Variants in RALGAPA2 observed in about 807,000 individuals in gnomAD.
RALGAPA2 encodes the protein Ral GTPase activating protein catalytic subunit alpha 2.
RALGAPA2 carries 139 observed loss-of-function variants against 230.4 expected under a neutral mutation model. The ratio of observed to expected loss-of-function variants is 0.60; its 90% CI spans 0.53 to 0.69. The LOEUF (loss-of-function observed/expected upper bound fraction) is 0.69, where lower values mean the gene tolerates loss of function less well. Among genes scored for constraint, RALGAPA2 ranks in the 30% least tolerant of loss-of-function variants. The pLI is 0.00. For synonymous variants in RALGAPA2, 847 were observed against 837.8 expected (o/e 1.01, Z -0.19); for missense variants, 2,163 against 2,276.0 (o/e 0.95, Z 1.01).
At chr20:20,607,129 G>A (rs2065845622) in intron 14 of RALGAPA2, among the ~76,000 whole-genome samples, 1 of 152,144 alleles carries the variant, frequency 6.6e-6, no homozygotes, top group Non-Finnish European at 1.5e-5. Flanking sequence ...CTTTGCGTAG[G>A]TGAGTTCACT....
rs929007093 is a variant in RALGAPA2, at chr20:20,617,980, A to G, written c.1539+1297T>C. Among the ~76,000 whole-genome samples the G allele has an allele frequency of 1.8e-4, 27 of 152,212 alleles. 1 individual carries two copies. The highest frequency in any genetic ancestry group is 4.4e-5 in the Non-Finnish European group (3 of 68,030). ...GGACAGTAAGTCCTCATTTAACGTC[A>G]TCAATAGGTTGTTGGAAATGATGAC... On this transcript the variant is annotated intron_variant, in intron 12 of 39. Transcript: ENST00000202677.
intron 23 of RALGAPA2, among the ~76,000 whole-genome samples, chr20:20,561,192 T>A (rs900182694): frequency 6.6e-6 from 1 of 152,242 alleles, no homozygotes; most frequent in Non-Finnish European, 1.5e-5. Flanking sequence ...CTGGATTTAG[T>A]GTCTCCTGAT....
At chr20:20,675,711 T>C (rs1236742633) in intron 3 of RALGAPA2, among the ~76,000 whole-genome samples, 1 of 152,060 alleles carries the variant, frequency 6.6e-6, no homozygotes. Flanking sequence ...GATATACAGA[T>C]GCATAAAGAT....
intron 38 of RALGAPA2, among the ~76,000 whole-genome samples, chr20:20,408,180 A>T (rs1402561803): frequency 6.6e-6 from 1 of 152,266 alleles, no homozygotes; most frequent in Non-Finnish European, 1.5e-5. Context: ...GGGTATTCCG[A>T]GAAGAACCAC....
intron 31 of RALGAPA2, 32 bp downstream of exon 31, chr20:20,520,885 C>A: frequency 6.7e-7 from 1 of 1,494,388 alleles, no homozygotes; most frequent in Non-Finnish European, 9.1e-7. Context: ...CTTTTCCTTC[C>A]CACAAGATTT....
At chr20:20,586,412 C>T (rs1170518588) in intron 18 of RALGAPA2, among the ~76,000 whole-genome samples, 1 of 152,130 alleles carries the variant, frequency 6.6e-6, no homozygotes, top group Non-Finnish European at 1.5e-5. Context: ...TAGAAATCCA[C>T]GTTTTCTGCA....
rs180707600 is a variant in RALGAPA2 at position 20,488,933 on chromosome 20, T to C, written c.5367+6184A>G. The stretch of plus-strand genomic sequence containing the variant: ...AGCACTCCTGTTCCCAAGGGACTAA[T>C]TGCTGGGCATTAACCAAATCTGTTG... On this transcript the variant is annotated intron_variant, in intron 36 of 39. Transcript: ENST00000202677. 3.2e-3 allele frequency among the ~76,000 whole-genome samples: 483 copies of C among 152,316 alleles called. 1 individual carries two copies. The highest frequency in any genetic ancestry group is 8.5e-3 in the South Asian group (41 of 4,824).
At chr20:20,709,604 C>G (rs997526606) in intron 1 of RALGAPA2, among the ~76,000 whole-genome samples, 2 of 152,166 alleles carry the variant, frequency 1.3e-5, no homozygotes, top group Admixed American at 1.3e-4. Flanking sequence ...AACAGCTCTT[C>G]GTTCTTCCTC....
At chr20:20,677,782 T>C (rs1483744429) in intron 2 of RALGAPA2, among the ~76,000 whole-genome samples, 1 of 151,742 alleles carries the variant, frequency 6.6e-6, no homozygotes, top group African/African-American at 2.4e-5. Flanking sequence ...TAGCTGGGAC[T>C]ACAGGCGCCT....
intron 3 of RALGAPA2, among the ~76,000 whole-genome samples, chr20:20,674,070 C>T (rs533427888): frequency 6.6e-5 from 10 of 151,970 alleles, no homozygotes; most frequent in African/African-American, 1.9e-4. Flanking sequence ...GTGATGCACA[C>T]GTGTAGTCCC....
intron 9 of RALGAPA2, among the ~76,000 whole-genome samples, chr20:20,630,596 T>A (rs540678021): frequency 7.6e-4 from 116 of 152,332 alleles, no homozygotes; most frequent in African/African-American, 2.7e-3. Flanking sequence ...CTATGGAAAT[T>A]ATTTTATCTT....
chr20:20,452,807 G>A (rs1047464845), intron 37 of RALGAPA2, among the ~76,000 whole-genome samples: 6 of 152,176 alleles, frequency 3.9e-5, no homozygotes, highest in African/African-American at 1.2e-4. Flanking sequence ...TTATAAATCC[G>A]ACCAACAGAT....
intron 30 of RALGAPA2, among the ~76,000 whole-genome samples, chr20:20,522,221 C>G (rs894311227): frequency 6.7e-6 from 1 of 148,256 alleles, no homozygotes; most frequent in Non-Finnish European, 1.5e-5. Context: ...CCTAGGTATA[C>G]ACCCAACAGA....
At chr20:20,660,552 T>C (rs1405832458) in intron 3 of RALGAPA2, among the ~76,000 whole-genome samples, 3 of 151,802 alleles carry the variant, frequency 2.0e-5, no homozygotes, top group African/African-American at 7.3e-5. Flanking sequence ...TAGACATTTA[T>C]GCAGTCCTTA....
chr20:20,441,528 C>T (rs568370957), intron 37 of RALGAPA2, among the ~76,000 whole-genome samples: 4 of 152,302 alleles, frequency 2.6e-5, no homozygotes, highest in African/African-American at 9.6e-5. Flanking sequence ...AAGCTCCCTC[C>T]CTTCAGTCGT....
intron 13 of RALGAPA2, among the ~76,000 whole-genome samples, chr20:20,615,333 T>C (rs565340355): frequency 1.1e-4 from 16 of 152,200 alleles, no homozygotes; most frequent in Admixed American, 7.9e-4. Flanking sequence ...GCTAATTTTT[T>C]GTATTTTTAG....
intron 9 of RALGAPA2, 53 bp from the exon 10 acceptor site, chr20:20,629,643 C>G: frequency 6.4e-7 from 1 of 1,566,374 alleles, no homozygotes; most frequent in Non-Finnish European, 8.8e-7. Context: ...CTCAAGAACA[C>G]CTGGCAAAAC....
chr20:20,605,466 T>C lies in RALGAPA2; in HGVS notation c.1801-54A>G. 3.0e-6 allele frequency: 4 copies of C among 1,325,542 alleles called. No homozygotes were observed. In the Middle Eastern group the frequency reaches 5.5e-4, roughly 183 times the overall value. The allele number at this position is 1,325,542 out of a possible 1,614,324, so 82.1% of individuals were successfully genotyped here. On this transcript the variant is annotated intron_variant, in intron 14 of 39. Coordinates refer to ENST00000202677, the MANE Select transcript of RALGAPA2 (RefSeq NM_020343.4). The stretch of plus-strand genomic sequence containing the variant: ...CACACATCTTCATTTGGAAAAAGCA[T>C]ACTTTTAAACAAAATGTTTTAAATT...
intron 36 of RALGAPA2, among the ~76,000 whole-genome samples, chr20:20,474,757 G>A (rs1032631446): frequency 3.3e-5 from 5 of 152,214 alleles, no homozygotes; most frequent in South Asian, 2.1e-4. Flanking sequence ...CTCAACTTCA[G>A]ACATGCTAAG....
Sources: gnomAD v4.1 joint callset for allele counts (sites outside exome capture counted in the v4.1 genomes callset) on GRCh38, gnomAD v4.1.1 for gene constraint, MANE v1.5 for transcripts, NCBI Gene and HGNC (gene_info 2026-07-23, HGNC 2026-07-21) for gene names.